The following CSNK2A1 variants were observed in gnomAD, a reference collection of about 807,000 sequenced individuals.
CSNK2A1 encodes the protein casein kinase 2 alpha 1.
A neutral mutation model predicts 62.9 loss-of-function variants in CSNK2A1; 10 were observed. The observed-to-expected ratio is 0.16, with a 90% CI of 0.10 to 0.27. CSNK2A1 has a LOEUF of 0.27. Ranked by LOEUF, CSNK2A1 falls within the 10% of genes least tolerant of loss-of-function variation. The pLI is 1.00. For synonymous variants in CSNK2A1, 124 were observed against 167.8 expected (o/e 0.74, Z 2.02); for missense variants, 160 against 492.0 (o/e 0.33, Z 6.38).
At chr20:543,518 G>A in intron 1 of CSNK2A1, 154 bp downstream of exon 1, 1 of 393,846 alleles carries the variant, frequency 2.5e-6, no homozygotes, top group Non-Finnish European at 4.5e-6. Flanking sequence ...TGGGCTGCAG[G>A]GGCCTCGCTT....
intron 2 of CSNK2A1, among the ~76,000 whole-genome samples, chr20:523,672 A>G (rs984593411): frequency 1.3e-5 from 2 of 152,068 alleles, no homozygotes; most frequent in African/African-American, 2.4e-5. Flanking sequence ...CGGATGGATC[A>G]CAAGGTCAGG....
At position 476,687 on chromosome 20, in the gene CSNK2A1, C is replaced by CT. The variant is rs1409295679; in HGVS notation, c.*7273dup. On this transcript the variant is annotated 3_prime_UTR_variant, in exon 14 of 14. Transcript: ENST00000217244. ...TCCTGGGCTCAATTGATTCCTCCAT[C>CT]TCAGCCTCCCAAGTAGCTGGGACTA... is the stretch of plus-strand genomic sequence containing the variant. The CT allele has an allele frequency of 6.6e-6, 1 of 152,168 alleles. No individual in the cohort carries two copies. Among genetic ancestry groups the CT allele is most frequent in the Non-Finnish European group, 1.5e-5 (1 of 68,192 alleles). The allele number at this position is 152,168 out of a possible 1,614,324, so 9.4% of individuals were successfully genotyped here.
At chr20:487,884 G>A in intron 11 of CSNK2A1, 1 of 393,472 alleles carries the variant, frequency 2.5e-6, no homozygotes. Flanking sequence ...AGCTCACCAG[G>A]CCTATTTCCC....
chr20:487,965 C>T (rs144369510), intron 11 of CSNK2A1: 3 of 268,362 alleles, frequency 1.1e-5, no homozygotes, highest in Admixed American at 4.7e-5. Context: ...AAGTCCATCT[C>T]CTCCTGTTGA....
Position 476,138 on chromosome 20 carries a change from G to A in CSNK2A1, c.*7823C>T, listed in dbSNP as rs1305078001. On this transcript the variant is annotated 3_prime_UTR_variant, in exon 14 of 14. Coordinates refer to ENST00000217244, the MANE Select transcript of CSNK2A1 (RefSeq NM_177559.3). ...GAGACAGGGTTCTGATCCCAGGCAT[G>A]GGCCTTGGCAGCTGAAACTTGTTAG... 6.6e-6 allele frequency: 1 copy of A among 152,420 alleles called. No individual in the cohort carries two copies. Among genetic ancestry groups the A allele is most frequent in the Non-Finnish European group, 1.5e-5 (1 of 68,196 alleles). The allele number at this position is 152,420 out of a possible 1,614,324, so 9.4% of individuals were successfully genotyped here.
chr20:528,748 C>A (rs2019150817), intron 1 of CSNK2A1, among the ~76,000 whole-genome samples: 1 of 152,114 alleles, frequency 6.6e-6, no homozygotes, highest in Non-Finnish European at 1.5e-5. Flanking sequence ...AGGCATGAGC[C>A]ACCATGCCCA....
intron 1 of CSNK2A1, among the ~76,000 whole-genome samples, chr20:542,284 C>T (rs1243408807): frequency 6.6e-6 from 1 of 152,194 alleles, no homozygotes; most frequent in African/African-American, 2.4e-5. Flanking sequence ...GACGGGAAAA[C>T]TGAGGCTTAG....
At chr20:529,526 T>C (rs967824583) in intron 1 of CSNK2A1, among the ~76,000 whole-genome samples, 1 of 152,190 alleles carries the variant, frequency 6.6e-6, no homozygotes, top group Non-Finnish European at 1.5e-5. Context: ...ACTTAAGAAA[T>C]GCCCCAAAGT....
Position 504,216 on chromosome 20 carries a change from C to T in CSNK2A1, c.213+902G>A, listed in dbSNP as rs559944531. ...AAAACAATAAAAAAAACAAAACTTA[C>T]TTAGCTATTTGGACCTTGCTACTTA... On this transcript the variant is annotated intron_variant, in intron 4 of 13. Transcript: ENST00000217244. 2.6e-5 allele frequency: 4 copies of T among 152,272 alleles called. No individual in the cohort carries two copies. In the East Asian group the frequency reaches 7.7e-4, roughly 29 times the overall value. The allele number at this position is 152,272 out of a possible 1,614,324, so 9.4% of individuals were successfully genotyped here. A position where few individuals can be genotyped will look rare whatever the true frequency, so the allele number is the denominator to read the frequency against.
At chr20:512,939 G>A (rs992796004) in intron 2 of CSNK2A1, among the ~76,000 whole-genome samples, 2 of 151,958 alleles carry the variant, frequency 1.3e-5, no homozygotes, top group South Asian at 4.1e-4. Flanking sequence ...TCTTCCCAAA[G>A]AAATAAGGTC....
chr20:539,706 T>A (rs1705562291), intron 1 of CSNK2A1: 1 of 152,170 alleles, frequency 6.6e-6, no homozygotes, highest in South Asian at 2.1e-4. Flanking sequence ...CAAGGATTCA[T>A]CTCTCTCTCA....
Position 543,735 on chromosome 20 carries a change from C to T in CSNK2A1, c.-290G>A. 1 of 398,406 alleles carries T rather than the reference C, an allele frequency of 2.5e-6. No homozygotes were observed. The highest frequency in any genetic ancestry group is 4.4e-6 in the Non-Finnish European group (1 of 225,970). The allele number at this position is 398,406 out of a possible 1,614,324, so 24.7% of individuals were successfully genotyped here. ...TCTGCTCACACAGACAATATGGCGG[C>T]GATGGAGGAGGAGACACACGGCTCG... On this transcript the variant is annotated 5_prime_UTR_variant, in exon 1 of 14. Coordinates refer to ENST00000217244, the MANE Select transcript of CSNK2A1 (RefSeq NM_177559.3).
Position 492,237 on chromosome 20 carries a change from T to C in CSNK2A1, c.621+17A>G. On this transcript the variant is annotated intron_variant, in intron 9 of 13. Coordinates refer to ENST00000217244, the MANE Select transcript of CSNK2A1 (RefSeq NM_177559.3). ...ATAAACACAGGATCAAAACTGTGCCTGCCCTTCTGTTCTTACCTGATAGTC... is the reference window on the plus strand; with the variant it reads ...ATAAACACAGGATCAAAACTGTGCCCGCCCTTCTGTTCTTACCTGATAGTC... The C allele has an allele frequency of 6.3e-7, 1 of 1,599,822 alleles. No homozygotes were observed. The highest frequency in any genetic ancestry group is 8.6e-7 in the Non-Finnish European group (1 of 1,167,750).
At chr20:490,102 G>A (rs898861577) in intron 9 of CSNK2A1, among the ~76,000 whole-genome samples, 1 of 150,182 alleles carries the variant, frequency 6.7e-6, no homozygotes, top group Non-Finnish European at 1.5e-5. Context: ...CGCAATCTTG[G>A]CTCACCACAA....
rs138157191 is a variant in CSNK2A1 at position 503,895 on chromosome 20, C to T, written c.213+1223G>A. Among the ~76,000 whole-genome samples the T allele has an allele frequency of 2.0e-5, 3 of 151,772 alleles. No individual in the cohort carries two copies. In the South Asian group the frequency reaches 6.3e-4, roughly 32 times the overall value. ...AAGTTGCTAAGATATAAATACTTAG[C>T]GGGCAGGCGCAGTGGCTCACGCCTG... On this transcript the variant is annotated intron_variant, in intron 4 of 13. Coordinates refer to ENST00000217244, the MANE Select transcript of CSNK2A1 (RefSeq NM_177559.3).
chr20:498,217 C>G (rs1432016759), intron 6 of CSNK2A1: 1 of 155,458 alleles, frequency 6.4e-6, no homozygotes, highest in Non-Finnish European at 1.4e-5. Context: ...GATACCAAAC[C>G]TGTTGAGTCA....
chr20:490,667 G>A (rs1353610587), intron 9 of CSNK2A1, among the ~76,000 whole-genome samples: 1 of 148,480 alleles, frequency 6.7e-6, no homozygotes, highest in East Asian at 2.0e-4. Flanking sequence ...GCCTTTCCAA[G>A]TGCTGGGATT....
chr20:497,840 T>C (rs1251140371), intron 6 of CSNK2A1, 60 bp from the exon 7 acceptor site: 3 of 1,476,702 alleles, frequency 2.0e-6, no homozygotes, highest in Non-Finnish European at 2.8e-6. Context: ...TTTTTCACCC[T>C]CACTCACAGT....
chr20:498,456 T>G (rs1369220701), intron 6 of CSNK2A1: 1 of 149,270 alleles, frequency 6.7e-6, no homozygotes, highest in Non-Finnish European at 1.5e-5. Context: ...TCCTCCTACC[T>G]CAGCTTCCCC....
Sources: gnomAD v4.1 joint callset for allele counts (sites outside exome capture counted in the v4.1 genomes callset) on GRCh38, gnomAD v4.1.1 for gene constraint, MANE v1.5 for transcripts, NCBI Gene and HGNC (gene_info 2026-07-23, HGNC 2026-07-21) for gene names.